The following NCAPD3 variants were observed in gnomAD, a reference collection of about 807,000 sequenced individuals.
NCAPD3 encodes the protein non-SMC condensin II complex subunit D3.
NCAPD3 carries 105 observed loss-of-function variants against 182.9 expected under a neutral mutation model. The observed-to-expected ratio is 0.57, with a 90% CI of 0.49 to 0.68. The LOEUF is 0.68. Ranked by LOEUF, NCAPD3 falls within the 30% of genes least tolerant of loss-of-function variation. The pLI, the probability that NCAPD3 is intolerant of heterozygous loss-of-function variation, is 0.00. For missense variants in NCAPD3, 1,944 were observed against 1,837.0 expected, an observed-to-expected ratio of 1.06 and a Z score of -1.07; for synonymous variants, 815 against 679.9, an observed-to-expected ratio of 1.20 and a Z score of -3.09.
chr11:134,200,859 T>C (rs971561343), intron 13 of NCAPD3, among the ~76,000 whole-genome samples: 4 of 152,070 alleles, frequency 2.6e-5, no homozygotes, highest in African/African-American at 9.7e-5. Flanking sequence ...ATAAACAAAA[T>C]GTGGTGTATC....
chr11:134,214,341 A>T (rs1357211211), intron 3 of NCAPD3, among the ~76,000 whole-genome samples: 1 of 152,232 alleles, frequency 6.6e-6, no homozygotes, highest in Non-Finnish European at 1.5e-5. Context: ...GACAAGAAAA[A>T]TTTGAAAATC....
At chr11:134,224,870 G>A (rs1252744227), upstream of NCAPD3, 1 of 171,128 alleles carries the variant, frequency 5.8e-6, no homozygotes, top group Non-Finnish European at 1.2e-5. Flanking sequence ...CTCGGCCGAG[G>A]GCACTGCTCC....
rs1467248016 is a variant in NCAPD3, at chr11:134,204,703, AGT to A, written c.1089+194_1089+195del. Among the ~76,000 whole-genome samples, 1 of 152,040 alleles carries A rather than the reference AGT, an allele frequency of 6.6e-6. No homozygotes were observed. Among genetic ancestry groups the A allele is most frequent in the Non-Finnish European group, 1.5e-5 (1 of 68,010 alleles). ...TATGTTCAACATTTTTCCAAAACAA[AGT>A]TTTTTTGTTTTTTTGTTTTTTATAG... On this transcript the variant is annotated intron_variant, in intron 9 of 34. Coordinates refer to ENST00000534548, the MANE Select transcript of NCAPD3 (RefSeq NM_015261.3). This position sits in a 1 kb window ranked among gnomAD's most constrained non-coding sequence, Gnocchi z 4.3.
intron 32 of NCAPD3, 105 bp from the exon 33 acceptor site, chr11:134,153,468 A>G: frequency 8.3e-7 from 1 of 1,201,714 alleles, no homozygotes; most frequent in East Asian, 2.3e-5. Flanking sequence ...TCAGTGTCCC[A>G]GCGGCGGCCC....
chr11:134,159,825 A>C (rs1565517936), intron 29 of NCAPD3, 67 bp downstream of exon 29: 1 of 1,499,636 alleles, frequency 6.7e-7, no homozygotes, highest in African/African-American at 1.4e-5. Context: ...GTGCCAGACA[A>C]ACGACAGACT....
In NCAPD3 at chr11:134,153,210, A is replaced by C; in HGVS notation, c.4328-10T>G. The C allele has an allele frequency of 6.2e-7, 1 of 1,614,056 alleles. No individual in the cohort carries two copies. The highest frequency in any genetic ancestry group is 8.5e-7 in the Non-Finnish European group (1 of 1,179,920). The stretch of plus-strand genomic sequence containing the variant: ...CGGCCTTCAATTTTCTCTAAAAGGG[A>C]GTCAAACAAACACATTCAGCTTTCC... On this transcript the variant is annotated splice_polypyrimidine_tract_variant and intron_variant, in intron 33 of 34. Transcript: ENST00000534548.
At chr11:134,183,671 A>C (rs1230591587) in intron 19 of NCAPD3, among the ~76,000 whole-genome samples, 1 of 152,242 alleles carries the variant, frequency 6.6e-6, no homozygotes. Flanking sequence ...AAACAGCTTA[A>C]AGATAGATAC....
upstream of NCAPD3, chr11:134,225,021 C>A: frequency 1.8e-6 from 2 of 1,138,704 alleles, no homozygotes; most frequent in Non-Finnish European, 2.3e-6. Flanking sequence ...GGCGGCCGAG[C>A]GCGCTCGCGC....
intron 11 of NCAPD3, among the ~76,000 whole-genome samples, chr11:134,203,412 T>C (rs540135544): frequency 4.6e-5 from 7 of 152,298 alleles, no homozygotes; most frequent in Middle Eastern, 3.4e-3. Flanking sequence ...ACAGTAAAGG[T>C]AGCCACCAAT....
At chr11:134,177,091 G>T in intron 23 of NCAPD3, 128 bp downstream of exon 23, 1 of 719,802 alleles carries the variant, frequency 1.4e-6, no homozygotes, top group Non-Finnish European at 2.4e-6. Context: ...TAAAACTCCA[G>T]ACCAGAGATG....
At chr11:134,159,555 G>A (rs1292756970) in intron 29 of NCAPD3, among the ~76,000 whole-genome samples, 5 of 152,238 alleles carry the variant, frequency 3.3e-5, no homozygotes, top group Non-Finnish European at 7.3e-5. Flanking sequence ...GCTACTCCTA[G>A]AAATGGCCGT....
chr11:134,164,148 AAC>A (rs1044834651), intron 27 of NCAPD3, among the ~76,000 whole-genome samples: 24 of 152,194 alleles, frequency 1.6e-4, no homozygotes, highest in South Asian at 2.1e-4. Flanking sequence ...CTAGGAGGAA[AAC>A]ACAGGCCTGC....
intron 4 of NCAPD3, 132 bp downstream of exon 4, chr11:134,210,138 G>T: frequency 1.4e-6 from 1 of 691,044 alleles, no homozygotes; most frequent in Non-Finnish European, 2.5e-6. Context: ...AGCAGTATTG[G>T]ATAGCTTATG....
In NCAPD3 at chr11:134,177,263, A is replaced by C; in HGVS notation, c.2977T>G (p.Phe993Val). Residue 993 changes from phenylalanine to valine, a missense_variant, in exon 23 of 35, where the codon TTC becomes GTC. By Grantham distance (50) the Phe-to-Val change is conservative. This residue lies in a region of NCAPD3 where 1,803 missense variants were observed against 1,674.6 expected (regional missense o/e 1.08). Transcript: ENST00000534548. ...AAGATGAGTGTCTGCTTCCGGATGAATGGGTCGGAATCCTTCAGACACATG... is the reference window on the plus strand; with the variant it reads ...AAGATGAGTGTCTGCTTCCGGATGACTGGGTCGGAATCCTTCAGACACATG... ...ISMCLKDSDP[F>V]IRKQTLILLT... 1 of 1,614,210 alleles carries C rather than the reference A, an allele frequency of 6.2e-7. No individual in the cohort carries two copies. Among genetic ancestry groups the C allele is most frequent in the Non-Finnish European group, 8.5e-7 (1 of 1,180,026 alleles).
At chr11:134,205,382 CTT>C (rs571658772) in intron 8 of NCAPD3, among the ~76,000 whole-genome samples, 26 of 143,190 alleles carry the variant, frequency 1.8e-4, no homozygotes, top group Admixed American at 5.6e-4. Context: ...TAAGAAATTT[CTT>C]TTTTTTTTTT....
chr11:134,155,435 G>T (rs886338067), intron 32 of NCAPD3, among the ~76,000 whole-genome samples: 2 of 152,128 alleles, frequency 1.3e-5, no homozygotes, highest in African/African-American at 4.8e-5. Context: ...AAAGAGAGAC[G>T]GACAGAGACT....
Position 134,150,828 on chromosome 11 carries a change from T to G in NCAPD3, c.*2116A>C, listed in dbSNP as rs1437574124. ...CATTTCAAAACAAACCATGATGGAGTGGCGGCCAGTCCAGCCTTTTAAAGA... is the reference window on the plus strand; with the variant it reads ...CATTTCAAAACAAACCATGATGGAGGGGCGGCCAGTCCAGCCTTTTAAAGA... On this transcript the variant is annotated 3_prime_UTR_variant, in exon 35 of 35. Transcript: ENST00000534548. The G allele has an allele frequency of 6.6e-6, 1 of 151,636 alleles. No homozygotes were observed. Among genetic ancestry groups the G allele is most frequent in the Non-Finnish European group, 1.5e-5 (1 of 67,890 alleles). The allele number at this position is 151,636 out of a possible 1,614,324, so 9.4% of individuals were successfully genotyped here. A position where few individuals can be genotyped will look rare whatever the true frequency, so the allele number is the denominator to read the frequency against.
At chr11:134,175,856 T>C (rs1319620346) in intron 24 of NCAPD3, among the ~76,000 whole-genome samples, 2 of 152,244 alleles carry the variant, frequency 1.3e-5, no homozygotes, top group East Asian at 3.8e-4. Flanking sequence ...ATCTGTACAC[T>C]TGATTCCACA....
intron 32 of NCAPD3, among the ~76,000 whole-genome samples, chr11:134,155,406 T>G (rs768251549): frequency 5.9e-5 from 9 of 152,092 alleles, no homozygotes; most frequent in Non-Finnish European, 1.2e-4. Context: ...CCTCCAGGCA[T>G]TTCTTCCTGG....
Sources: allele counts gnomAD v4.1 joint callset (sites outside exome capture counted in the v4.1 genomes callset), GRCh38; gene constraint gnomAD v4.1.1; regional missense constraint gnomAD v4.1.1; non-coding constraint Gnocchi (gnomAD v3.1); transcripts MANE v1.5; gene names NCBI Gene and HGNC (gene_info 2026-07-23, HGNC 2026-07-21).